ABCC4: variants seen among roughly 807,000 people sequenced by gnomAD.
ABCC4 encodes the protein ATP binding cassette subfamily C member 4 (PEL blood group), also known as ATP-binding cassette sub-family C member 4.
In ABCC4, 102 loss-of-function variants were observed where a neutral mutation model predicts 168.5. The ratio of observed to expected loss-of-function variants is 0.61; its 90% confidence interval spans 0.52 to 0.71. The LOEUF is 0.71. Ranked by LOEUF, ABCC4 falls within the 30% of genes least tolerant of loss-of-function variation. The pLI is 0.00. For synonymous variants in ABCC4, 617 were observed against 590.7 expected (o/e 1.04, Z -0.65); for missense variants, 1,402 against 1,605.8 (o/e 0.87, Z 2.17).
At chr13:95,183,903 G>A (rs958308982) in intron 11 of ABCC4, among the ~76,000 whole-genome samples, 2 of 146,306 alleles carry the variant, frequency 1.4e-5, no homozygotes, top group African/African-American at 5.4e-5. Flanking sequence ...GACAGAGCGA[G>A]ACTCCATCTC....
At chr13:95,076,393 G>T (rs2033905257) in intron 21 of ABCC4, among the ~76,000 whole-genome samples, 1 of 152,082 alleles carries the variant, frequency 6.6e-6, no homozygotes. Flanking sequence ...AGAATTTTAA[G>T]AAGTGAATTC....
intron 3 of ABCC4, among the ~76,000 whole-genome samples, chr13:95,244,417 G>T (rs892667761): frequency 2.0e-5 from 3 of 150,930 alleles, no homozygotes; most frequent in Non-Finnish European, 4.4e-5. Flanking sequence ...GCAACATAGT[G>T]AAACAAAAAT....
chr13:95,170,505 T>C, intron 14 of ABCC4, 27 bp downstream of exon 14: 1 of 1,492,950 alleles, frequency 6.7e-7, no homozygotes, highest in Non-Finnish European at 9.3e-7. Context: ...TACTTGCAAG[T>C]TCGGGAGACC....
At chr13:95,270,049 G>A (rs2040805709) in intron 1 of ABCC4, among the ~76,000 whole-genome samples, 1 of 152,094 alleles carries the variant, frequency 6.6e-6, no homozygotes, top group Non-Finnish European at 1.5e-5. Context: ...GTAATTTTCT[G>A]TCATAAGAGA....
chr13:95,047,775 G>A (rs1386760814), intron 27 of ABCC4, among the ~76,000 whole-genome samples: 2 of 152,014 alleles, frequency 1.3e-5, no homozygotes, highest in Non-Finnish European at 2.9e-5. Flanking sequence ...GAGCCACTAC[G>A]CCCAGCCGCC....
chr13:95,104,827 G>A (rs2034943676), intron 20 of ABCC4, among the ~76,000 whole-genome samples: 1 of 152,202 alleles, frequency 6.6e-6, no homozygotes, highest in Admixed American at 6.5e-5. Context: ...TACAGGTGGA[G>A]TGGAGGGTGC....
intron 30 of ABCC4, among the ~76,000 whole-genome samples, chr13:95,029,228 A>C (rs1321468124): frequency 0.025 from 171 of 6,882 alleles, 2 homozygotes; most frequent in African/African-American, 0.041. Context: ...AGAGAGAGAG[A>C]GAGAGAGAGA....
At chr13:95,247,918 G>GCACGCACACACACACA (rs1555336943) in intron 1 of ABCC4, among the ~76,000 whole-genome samples, 165 bp from the exon 2 acceptor site, 1 of 142,564 alleles carries the variant, frequency 7.0e-6, no homozygotes, top group Non-Finnish European at 1.5e-5. Context: ...GTTAACATGT[G>GCACGCACACACACACA]CACACACACA....
chr13:95,194,715 C>G (rs2038360409), intron 9 of ABCC4, 121 bp downstream of exon 9: 2 of 699,328 alleles, frequency 2.9e-6, no homozygotes, highest in Admixed American at 6.5e-5. Flanking sequence ...ATCTTTGTAA[C>G]ATAGTTTCAG....
chr13:95,188,421 G>A (rs774577706), intron 10 of ABCC4, 32 bp downstream of exon 10: 5 of 1,598,272 alleles, frequency 3.1e-6, no homozygotes, highest in East Asian at 2.2e-5. Context: ...AAGTGGGGTT[G>A]CAACAAGCTG....
intron 19 of ABCC4, among the ~76,000 whole-genome samples, chr13:95,156,405 T>G (rs1481099046): frequency 6.6e-6 from 1 of 152,238 alleles, no homozygotes; most frequent in Non-Finnish European, 1.5e-5. Context: ...TGCTGCCCTC[T>G]TGTGCTGGAT....
intron 20 of ABCC4, among the ~76,000 whole-genome samples, chr13:95,103,400 G>A (rs1458774664): frequency 2.0e-5 from 3 of 152,192 alleles, no homozygotes; most frequent in African/African-American, 4.8e-5. Flanking sequence ...AATGATGCTG[G>A]CTTCCTTTTA....
intron 8 of ABCC4, among the ~76,000 whole-genome samples, chr13:95,204,799 T>G (rs557070075): frequency 6.6e-6 from 1 of 152,292 alleles, no homozygotes; most frequent in Non-Finnish European, 1.5e-5. Flanking sequence ...AGTTTCATTC[T>G]CTGTAAAGTG....
chr13:95,129,144 C>T (rs972801017), intron 19 of ABCC4, among the ~76,000 whole-genome samples: 4 of 152,080 alleles, frequency 2.6e-5, no homozygotes, highest in African/African-American at 7.2e-5. Flanking sequence ...ATGCTGTTGA[C>T]GATTGCATTT....
intron 25 of ABCC4, among the ~76,000 whole-genome samples, chr13:95,069,097 A>G (rs1423488774): frequency 2.6e-5 from 4 of 152,194 alleles, no homozygotes; most frequent in Non-Finnish European, 5.9e-5. Context: ...TCATTCATTC[A>G]ATTGTGACTA....
At chr13:95,133,618 C>T (rs1401807042) in intron 19 of ABCC4, among the ~76,000 whole-genome samples, 2 of 152,066 alleles carry the variant, frequency 1.3e-5, no homozygotes, top group African/African-American at 4.8e-5. Flanking sequence ...GAGACAGTAA[C>T]AGCACTTCTG....
intron 30 of ABCC4, among the ~76,000 whole-genome samples, chr13:95,027,383 A>T (rs1256711564): frequency 6.6e-6 from 1 of 152,182 alleles, no homozygotes; most frequent in East Asian, 1.9e-4. Flanking sequence ...TATTACCATT[A>T]CTATGAAAGA....
intron 19 of ABCC4, among the ~76,000 whole-genome samples, chr13:95,148,620 A>ACG (rs1391456039): frequency 6.6e-6 from 1 of 151,280 alleles, no homozygotes; most frequent in East Asian, 1.9e-4. Flanking sequence ...ACACACACAC[A>ACG]CACACACACA....
chr13:95,053,157 T>A lies in ABCC4; in HGVS notation c.3394A>T (p.Arg1132Trp). Reference sequence around the variant, plus strand: ...TCATTAAAGGGATCCAGGTTTTTCCTCATTGTTCCAGTGAACAAAACAGGT... The same window carrying A: ...TCATTAAAGGGATCCAGGTTTTTCCACATTGTTCCAGTGAACAAAACAGGT... Reference protein sequence around the residue: ...QEPVLFTGTMRKNLDPFNEHT... With the variant: ...QEPVLFTGTMWKNLDPFNEHT... Residue 1132 changes from arginine (R) to tryptophan (W), a missense_variant, in exon 27 of 31, where the codon AGG becomes TGG. Physicochemically the swap from Arg to Trp is moderately radical, Grantham distance 101. Coordinates refer to ENST00000645237, the MANE Select transcript of ABCC4 (RefSeq NM_005845.5). 6.2e-7 allele frequency: 1 copy of A among 1,614,156 alleles called. No homozygotes were observed. Among genetic ancestry groups the A allele is most frequent in the South Asian group, 1.1e-5 (1 of 91,084 alleles).
Sources: gnomAD v4.1 joint callset for allele counts (sites outside exome capture counted in the v4.1 genomes callset) on GRCh38, gnomAD v4.1.1 for gene constraint, MANE v1.5 for transcripts, NCBI Gene and HGNC (gene_info 2026-07-23, HGNC 2026-07-21) for gene names.